NCAM2: variants seen among roughly 807,000 people sequenced by gnomAD.
NCAM2 encodes the protein N-CAM-2.
In NCAM2, 30 loss-of-function variants were observed where a neutral mutation model predicts 98.1. The ratio of observed to expected loss-of-function variants is 0.31; its 90% confidence interval spans 0.23 to 0.41. NCAM2 has a LOEUF of 0.41. NCAM2 is among the 10% of genes least tolerant of loss of function. NCAM2 has a pLI of 1.00. For synonymous variants in NCAM2, 368 were observed against 342.4 expected (o/e 1.07, Z -0.83); for missense variants, 867 against 1,005.8 (o/e 0.86, Z 1.87).
At chr21:21,079,457 G>A (rs1004078101) in intron 1 of NCAM2, among the ~76,000 whole-genome samples, 2 of 152,134 alleles carry the variant, frequency 1.3e-5, no homozygotes, top group African/African-American at 2.4e-5. Flanking sequence ...CATGAAAATT[G>A]TGCTAAAAGG....
chr21:21,286,539 G>C (rs2073107727), intron 4 of NCAM2, 127 bp downstream of exon 4: 1 of 1,016,410 alleles, frequency 9.8e-7, no homozygotes, highest in Admixed American at 2.7e-5. Flanking sequence ...ACTATTTTGA[G>C]AACCTGTAAG....
chr21:21,091,088 C>G (rs1239663741), intron 1 of NCAM2, among the ~76,000 whole-genome samples: 1 of 151,968 alleles, frequency 6.6e-6, no homozygotes, highest in Non-Finnish European at 1.5e-5. Context: ...ATGTTGTTTC[C>G]CCAATCTGAG....
At chr21:21,362,179 A>G (rs1014122795) in intron 8 of NCAM2, among the ~76,000 whole-genome samples, 4 of 152,084 alleles carry the variant, frequency 2.6e-5, no homozygotes, top group South Asian at 2.1e-4. Context: ...TTTGAACACA[A>G]CAGTGAGTTC....
intron 1 of NCAM2, among the ~76,000 whole-genome samples, chr21:21,273,866 G>T (rs1258079973): frequency 6.6e-6 from 1 of 151,988 alleles, no homozygotes; most frequent in Non-Finnish European, 1.5e-5. Flanking sequence ...TATAGAAAAA[G>T]AATCACTAAG....
At chr21:21,530,519 G>T (rs2146417089) in intron 16 of NCAM2, among the ~76,000 whole-genome samples, 1 of 150,110 alleles carries the variant, frequency 6.7e-6, no homozygotes, top group Non-Finnish European at 1.5e-5. Flanking sequence ...TTTCCATGTG[G>T]TCTATAGTTT....
chr21:21,297,036 A>T (rs551068478), intron 5 of NCAM2, among the ~76,000 whole-genome samples: 1 of 151,880 alleles, frequency 6.6e-6, no homozygotes, highest in Admixed American at 6.6e-5. Flanking sequence ...GCTAAAAAAA[A>T]GTTAAAGACC....
intron 1 of NCAM2, among the ~76,000 whole-genome samples, chr21:21,262,601 C>T (rs1392744500): frequency 6.7e-6 from 1 of 149,074 alleles, no homozygotes; most frequent in African/African-American, 2.5e-5. Flanking sequence ...AACAGAATAT[C>T]CTCTCTCACC....
intron 9 of NCAM2, among the ~76,000 whole-genome samples, chr21:21,401,314 C>T (rs373826612): frequency 5.9e-5 from 9 of 152,174 alleles, no homozygotes; most frequent in Middle Eastern, 3.4e-3. Flanking sequence ...CAGCCTTTTT[C>T]GTGGTGAGAA....
intron 1 of NCAM2, among the ~76,000 whole-genome samples, chr21:21,010,655 G>A (rs1345819331): frequency 1.3e-5 from 2 of 152,064 alleles, no homozygotes; most frequent in African/African-American, 2.4e-5. Context: ...AGAGGACTTT[G>A]TGATTAGTCA....
chr21:21,342,278 T>A (rs1399469420), intron 8 of NCAM2, among the ~76,000 whole-genome samples: 1 of 152,224 alleles, frequency 6.6e-6, no homozygotes, highest in African/African-American at 2.4e-5. Context: ...TCTCTCACTT[T>A]TGATTTTGTG....
At chr21:21,160,202 A>G (rs1385383805) in intron 1 of NCAM2, among the ~76,000 whole-genome samples, 1 of 152,096 alleles carries the variant, frequency 6.6e-6, no homozygotes, top group African/African-American at 2.4e-5. Flanking sequence ...TGTGGACATC[A>G]TGTGGACAAA....
At chr21:21,245,595 C>T (rs958210630) in intron 1 of NCAM2, among the ~76,000 whole-genome samples, 12 of 152,152 alleles carry the variant, frequency 7.9e-5, no homozygotes, top group Non-Finnish European at 1.6e-4. Context: ...CTTCTTTGGA[C>T]CCAAATTGCC....
intron 1 of NCAM2, among the ~76,000 whole-genome samples, chr21:21,276,904 T>C (rs550386660): frequency 6.6e-6 from 1 of 152,026 alleles, no homozygotes; most frequent in African/African-American, 2.4e-5. Flanking sequence ...GAATGAAAAA[T>C]TAACCAGATG....
At chr21:21,157,624 C>A (rs1184802835) in intron 1 of NCAM2, among the ~76,000 whole-genome samples, 1 of 151,962 alleles carries the variant, frequency 6.6e-6, no homozygotes, top group South Asian at 2.1e-4. Context: ...TATAAAATCT[C>A]CAGAGTGAGA....
chr21:21,487,740 C>T (rs1315125300), intron 15 of NCAM2, among the ~76,000 whole-genome samples: 1 of 152,074 alleles, frequency 6.6e-6, no homozygotes, highest in Non-Finnish European at 1.5e-5. Flanking sequence ...ACTGGCCTCT[C>T]TACCCCAATC....
intron 15 of NCAM2, among the ~76,000 whole-genome samples, chr21:21,502,637 C>T (rs1987711520): frequency 6.6e-6 from 1 of 151,922 alleles, no homozygotes; most frequent in South Asian, 2.1e-4. Context: ...GAAGTAAGAA[C>T]ATATAATTAA....
chr21:21,530,094 TTTAA>T, intron 16 of NCAM2, among the ~76,000 whole-genome samples: 1 of 136,630 alleles, frequency 7.3e-6, no homozygotes, highest in East Asian at 2.0e-4. Context: ...TTTAATTTAA[TTTAA>T]TTATATATAA....
chr21:21,041,371 T>A (rs2146261767), intron 1 of NCAM2, among the ~76,000 whole-genome samples: 1 of 152,300 alleles, frequency 6.6e-6, no homozygotes, highest in Middle Eastern at 3.4e-3. Context: ...TATAAGTAGC[T>A]GATTTTAAAT....
At chr21:21,074,103 A>T (rs375358511) in intron 1 of NCAM2, among the ~76,000 whole-genome samples, 1 of 152,160 alleles carries the variant, frequency 6.6e-6, no homozygotes, top group African/African-American at 2.4e-5. Flanking sequence ...CACATCCATA[A>T]TTATGTAATA....
Sources: allele counts gnomAD v4.1 joint callset (sites outside exome capture counted in the v4.1 genomes callset), GRCh38; gene constraint gnomAD v4.1.1; transcripts MANE v1.5; gene names NCBI Gene and HGNC (gene_info 2026-07-23, HGNC 2026-07-21).